SMARCD3: variants seen among roughly 807,000 people sequenced by gnomAD.
SMARCD3 encodes the protein SWI/SNF-related matrix-associated actin-dependent regulator of chromatin subfamily D member 3.
SMARCD3 carries 14 observed loss-of-function variants against 58.0 expected under a neutral mutation model. The observed-to-expected ratio is 0.24, with a 90% CI of 0.16 to 0.38. SMARCD3 has a LOEUF of 0.38. SMARCD3 is among the 10% of genes least tolerant of loss of function. The pLI is 1.00. For missense variants in SMARCD3, 408 were observed against 636.9 expected, an observed-to-expected ratio of 0.64 and a Z score of 3.87; for synonymous variants, 253 against 253.8, an observed-to-expected ratio of 1.00 and a Z score of 0.03.
intron 2 of SMARCD3, among the ~76,000 whole-genome samples, chr7:151,269,345 C>T (rs1287044168): frequency 6.6e-6 from 1 of 152,228 alleles, no homozygotes; most frequent in Non-Finnish European, 1.5e-5. Flanking sequence ...CAAGCCTACA[C>T]ACCCTCGAGT....
chr7:151,240,694 T>A (rs558081867), intron 8 of SMARCD3, 172 bp from the exon 9 acceptor site: 20 of 502,134 alleles, frequency 4.0e-5, no homozygotes, highest in Admixed American at 6.5e-5. Context: ...GCCACCGGTA[T>A]GGCTGACAAG....
At chr7:151,264,058 A>AT (rs780437491) in intron 2 of SMARCD3, among the ~76,000 whole-genome samples, 32,064 of 135,410 alleles carry the variant, frequency 0.24, 4,143 homozygotes, top group South Asian at 0.31. Flanking sequence ...TGAAGACAGG[A>AT]TTTTTTTTTT....
Position 151,248,505 on chromosome 7 carries a change from CAA to C in SMARCD3, c.56_57del (p.Phe19Ter), listed in dbSNP as rs748408751. ...GARKATKSKL[F>X]EFLVHGVRPG... Reference sequence around the variant, plus strand: ...CTCACCACCCCATGGACCAGAAACTCAAAAAGTTTGCTTTTCGTGGCTTTGCG... The same window carrying C: ...CTCACCACCCCATGGACCAGAAACTCAAAGTTTGCTTTTCGTGGCTTTGCG... On this transcript the variant is annotated frameshift_variant, in exon 1 of 13. Transcript: ENST00000262188. LOFTEE classifies it high-confidence loss of function. The surrounding 1 kb of genome is among the most constrained non-coding windows in gnomAD (Gnocchi z 6.1). The C allele has an allele frequency of 1.2e-6, 2 of 1,612,800 alleles. No homozygotes were observed. Among genetic ancestry groups the C allele is most frequent in the Non-Finnish European group, 1.7e-6 (2 of 1,179,198 alleles).
exon 2 of SMARCD3, chr7:151,275,156 T>C (rs201096239): frequency 6.2e-7 from 1 of 1,611,912 alleles, no homozygotes; most frequent in African/African-American, 1.3e-5. Context: ...GAGTCATAGA[T>C]GGCAGGGTCC....
intron 2 of SMARCD3, among the ~76,000 whole-genome samples, chr7:151,266,751 G>A (rs531018446): frequency 2.0e-5 from 3 of 152,138 alleles, no homozygotes; most frequent in African/African-American, 7.2e-5. Context: ...TCTGGCTATC[G>A]CCTAGGCTGG....
intron 2 of SMARCD3, among the ~76,000 whole-genome samples, chr7:151,264,462 G>A (rs1004516590): frequency 1.1e-4 from 17 of 152,174 alleles, no homozygotes; most frequent in African/African-American, 4.1e-4. Flanking sequence ...GTGGGAAGAG[G>A]AGAGCATGAT....
At chr7:151,274,935 G>A (rs1795295274) in intron 2 of SMARCD3, among the ~76,000 whole-genome samples, 1 of 152,206 alleles carries the variant, frequency 6.6e-6, no homozygotes, top group Non-Finnish European at 1.5e-5. Context: ...ATTAATGACA[G>A]GTGTCAGCAG....
intron 2 of SMARCD3, among the ~76,000 whole-genome samples, chr7:151,273,552 A>C (rs1218095913): frequency 1.3e-5 from 2 of 152,140 alleles, no homozygotes; most frequent in East Asian, 3.9e-4. Flanking sequence ...TTAATATACT[A>C]GTTCTCACCT....
chr7:151,274,530 G>A (rs868063969), intron 2 of SMARCD3, among the ~76,000 whole-genome samples: 1 of 152,356 alleles, frequency 6.6e-6, no homozygotes, highest in African/African-American at 2.4e-5. Context: ...CTCCCACTGC[G>A]GGCTGTGCAG....
intron 2 of SMARCD3, among the ~76,000 whole-genome samples, chr7:151,255,950 G>A (rs1485234377): frequency 1.3e-5 from 2 of 150,358 alleles, no homozygotes; most frequent in Non-Finnish European, 3.0e-5. Context: ...GCGCGATCTC[G>A]GCTCACTGCA....
intron 2 of SMARCD3, among the ~76,000 whole-genome samples, chr7:151,255,634 C>G (rs763499843): frequency 9.2e-5 from 14 of 152,128 alleles, no homozygotes; most frequent in Non-Finnish European, 1.9e-4. Context: ...ATCACTGCAG[C>G]AACCGCAGCC....
At chr7:151,270,998 G>A (rs183767907) in intron 2 of SMARCD3, among the ~76,000 whole-genome samples, 3 of 152,322 alleles carry the variant, frequency 2.0e-5, no homozygotes, top group Admixed American at 2.0e-4. Flanking sequence ...GTCTGGACCT[G>A]AGCCTCAATA....
chr7:151,248,531 C>A lies in SMARCD3; in HGVS notation c.32G>T (p.Arg11Leu), dbSNP rs1311518370. 6.2e-7 allele frequency: 1 copy of A among 1,613,702 alleles called. No individual in the cohort carries two copies. The highest frequency in any genetic ancestry group is 1.1e-5 in the South Asian group (1 of 91,044). MAADEVAGGA[R>L]KATKSKLFEF... ...AAAAAGTTTGCTTTTCGTGGCTTTGCGCGCCCCTCCGGCAACTTCGTCCGC... is the reference window on the plus strand; with the variant it reads ...AAAAAGTTTGCTTTTCGTGGCTTTGAGCGCCCCTCCGGCAACTTCGTCCGC... The change falls in exon 1 of 13, where the codon CGC (arginine) becomes CTC (leucine). Residue 11 changes from arginine (R) to leucine (L), a missense_variant. This residue lies in a region of SMARCD3 where 84 missense variants were observed against 81.2 expected (regional missense o/e 1.03). Coordinates refer to ENST00000262188, the MANE Select transcript of SMARCD3 (RefSeq NM_001003801.2). This position sits in a 1 kb window ranked among gnomAD's most constrained non-coding sequence, Gnocchi z 6.1.
chr7:151,267,056 G>A (rs887270744), intron 2 of SMARCD3, among the ~76,000 whole-genome samples: 5 of 152,124 alleles, frequency 3.3e-5, no homozygotes, highest in African/African-American at 1.2e-4. Context: ...ACAAACCGGA[G>A]TTCTGCTCCC....
At chr7:151,250,096 G>A (rs146294581), upstream of SMARCD3, among the ~76,000 whole-genome samples, 30 of 152,212 alleles carry the variant, frequency 2.0e-4, no homozygotes, top group East Asian at 5.2e-3. Flanking sequence ...GAAGGGTACT[G>A]ACCCTAAACC....
In SMARCD3 at chr7:151,259,232, G is replaced by A. The variant is rs575357117; in HGVS notation, c.40-13561C>T. ...CTGGGCGTGGTGGCGGGCACCTGTA[G>A]TCCCAGCTACTCGGGAGGCTGAGGC... is the stretch of plus-strand genomic sequence containing the variant. On this transcript the variant is annotated intron_variant, in intron 2 of 13. Transcript: ENST00000356800. Among the ~76,000 whole-genome samples, 467 of 151,524 alleles carry A rather than the reference G, an allele frequency of 3.1e-3. 3 individuals are homozygous for A. The highest frequency in any genetic ancestry group is 0.01 in the African/African-American group (428 of 41,290).
rs977103733 is a variant in SMARCD3 at position 151,243,127 on chromosome 7, C to G, written c.334-284G>C. ...AACGGTGGAGCTCAGCAAGCACTAG[C>G]CTTTAGTCTCCTCATCTTGTCATTG... On this transcript the variant is annotated intron_variant, in intron 3 of 12. Transcript: ENST00000262188. This position sits in a 1 kb window ranked among gnomAD's most constrained non-coding sequence, Gnocchi z 4.4. 6.6e-6 allele frequency among the ~76,000 whole-genome samples: 1 copy of G among 152,142 alleles called. No homozygotes were observed. The highest frequency in any genetic ancestry group is 1.5e-5 in the Non-Finnish European group (1 of 68,032).
chr7:151,240,837 A>G, intron 8 of SMARCD3: 2 of 362,020 alleles, frequency 5.5e-6, no homozygotes, highest in East Asian at 1.2e-4. Flanking sequence ...CAGTGTCTTC[A>G]TCTCTAGAGT....
chr7:151,275,885 G>C (rs982753918), intron 1 of SMARCD3, among the ~76,000 whole-genome samples: 1 of 152,182 alleles, frequency 6.6e-6, no homozygotes, highest in African/African-American at 2.4e-5. Flanking sequence ...TAAGAAGAGA[G>C]CAGTGCTGTA....
Sources: gnomAD v4.1 joint callset for allele counts (sites outside exome capture counted in the v4.1 genomes callset) on GRCh38, gnomAD v4.1.1 for gene constraint, gnomAD v4.1.1 regional missense constraint, Gnocchi (gnomAD v3.1) non-coding constraint, MANE v1.5 for transcripts, NCBI Gene and HGNC (gene_info 2026-07-23, HGNC 2026-07-21) for gene names.